ZBTB16: variants seen among roughly 807,000 people sequenced by gnomAD.
ZBTB16 encodes zinc finger and BTB domain containing 16, also known as zinc finger and BTB domain-containing protein 16.
A neutral mutation model predicts 56.8 loss-of-function variants in ZBTB16; 8 were observed. That is an observed-to-expected ratio of 0.14 (90% CI 0.08 to 0.25). The LOEUF (loss-of-function observed/expected upper bound fraction) is 0.25, where lower values mean the gene tolerates loss of function less well. ZBTB16 is among the 10% of genes least tolerant of loss of function. The pLI is 1.00. For missense variants in ZBTB16, 625 were observed against 903.0 expected (o/e 0.69, Z 3.95); for synonymous variants, 363 against 368.5 (o/e 0.98, Z 0.17).
At chr11:114,120,403 CT>C (rs1006009739) in intron 2 of ZBTB16, among the ~76,000 whole-genome samples, 1 of 152,322 alleles carries the variant, frequency 6.6e-6, no homozygotes, top group Non-Finnish European at 1.5e-5. Flanking sequence ...CTGGCTCCCC[CT>C]GGCTTTGTTC....
At chr11:114,206,609 T>C (rs931274601) in intron 4 of ZBTB16, among the ~76,000 whole-genome samples, 1 of 152,248 alleles carries the variant, frequency 6.6e-6, no homozygotes, top group Admixed American at 6.5e-5. Context: ...AACCTCACTT[T>C]GCCTGCTAGC....
At chr11:114,220,678 T>C (rs775400992) in intron 4 of ZBTB16, among the ~76,000 whole-genome samples, 2 of 152,194 alleles carry the variant, frequency 1.3e-5, no homozygotes, top group Non-Finnish European at 2.9e-5. Context: ...AAGAAAGTTG[T>C]AGCAACATTC....
intron 4 of ZBTB16, among the ~76,000 whole-genome samples, chr11:114,238,317 A>G (rs1944635889): frequency 6.6e-6 from 1 of 152,184 alleles, no homozygotes. Flanking sequence ...GTCTTAGTCA[A>G]GTCAGGCTGC....
chr11:114,084,520 G>T (rs551865790), intron 2 of ZBTB16, among the ~76,000 whole-genome samples: 3 of 152,104 alleles, frequency 2.0e-5, no homozygotes, highest in Non-Finnish European at 4.4e-5. Context: ...GGAGGAGGAG[G>T]GTTTTTTGAA....
At chr11:114,087,803 C>A (rs1940015106) in intron 2 of ZBTB16, among the ~76,000 whole-genome samples, 2 of 152,204 alleles carry the variant, frequency 1.3e-5, no homozygotes, top group Non-Finnish European at 2.9e-5. Flanking sequence ...GCTACATTTT[C>A]ACTCTTCATC....
At chr11:114,173,573 A>G (rs1417883861) in intron 3 of ZBTB16, among the ~76,000 whole-genome samples, 2 of 152,210 alleles carry the variant, frequency 1.3e-5, no homozygotes, top group Admixed American at 1.3e-4. Flanking sequence ...TTACGTACTC[A>G]GCCCCAAGAT....
intron 2 of ZBTB16, among the ~76,000 whole-genome samples, chr11:114,136,932 C>T (rs1941812175): frequency 6.6e-6 from 1 of 152,232 alleles, no homozygotes; most frequent in East Asian, 1.9e-4. Context: ...TCCCATTTTC[C>T]TGCCTCACCA....
chr11:114,203,015 G>A (rs1055650188), intron 4 of ZBTB16, among the ~76,000 whole-genome samples: 1 of 152,202 alleles, frequency 6.6e-6, no homozygotes, highest in African/African-American at 2.4e-5. Flanking sequence ...AACATTCATA[G>A]CAGTGTTGTT....
In ZBTB16 at chr11:114,142,944, T is replaced by C. The variant is rs528822069; in HGVS notation, c.1269-13393T>C. On this transcript the variant is annotated intron_variant, in intron 2 of 6. Coordinates refer to ENST00000335953, the MANE Select transcript of ZBTB16 (RefSeq NM_006006.6). Reference sequence around the variant, plus strand: ...AAAAATAGTAAAGGACATTTTTATGTGTGGGCTTAAAACCAGCAATGTCAG... The same window carrying C: ...AAAAATAGTAAAGGACATTTTTATGCGTGGGCTTAAAACCAGCAATGTCAG... Among the ~76,000 whole-genome samples the C allele has an allele frequency of 2.5e-3, 388 of 152,298 alleles. 2 individuals are homozygous for C. Among genetic ancestry groups the C allele is most frequent in the Non-Finnish European group, 4.6e-3 (315 of 68,042 alleles).
In ZBTB16 at chr11:114,256,383, G is replaced by T. The variant is rs560542881; in HGVS notation, c.*5828G>T. Among the ~76,000 whole-genome samples the T allele has an allele frequency of 2.0e-5, 3 of 152,248 alleles. No individual in the cohort carries two copies. The East Asian group carries it at 5.8e-4, about 29-fold the overall frequency. On this transcript the variant is annotated 3_prime_UTR_variant, in exon 7 of 7. Transcript: ENST00000335953. ...GCCGCCCTGGGGCTACCATGCTAGC[G>T]GGCCGCTGAGTCGGAATCCGTGGCT...
intron 4 of ZBTB16, among the ~76,000 whole-genome samples, chr11:114,212,869 C>T (rs1944023792): frequency 6.6e-6 from 1 of 151,958 alleles, no homozygotes; most frequent in Non-Finnish European, 1.5e-5. Flanking sequence ...GCTGTGGGTC[C>T]CTTTTCTAAA....
At chr11:114,183,598 G>C (rs1434238009) in intron 3 of ZBTB16, among the ~76,000 whole-genome samples, 5 of 152,150 alleles carry the variant, frequency 3.3e-5, no homozygotes, top group African/African-American at 1.2e-4. Context: ...TTCCCTCCTC[G>C]GGCCTTTGCT....
chr11:114,187,563 C>G (rs1296516752), intron 4 of ZBTB16: 2 of 185,928 alleles, frequency 1.1e-5, no homozygotes, highest in Admixed American at 1.1e-4. Flanking sequence ...GATTTCACCG[C>G]ACCAAAGTCA....
At chr11:114,062,702 A>G (rs557632467) in intron 1 of ZBTB16, among the ~76,000 whole-genome samples, 1 of 152,342 alleles carries the variant, frequency 6.6e-6, no homozygotes, top group South Asian at 2.1e-4. Flanking sequence ...CTGGCCTCCA[A>G]TGAGTTTGAC....
intron 2 of ZBTB16, among the ~76,000 whole-genome samples, chr11:114,154,432 A>G (rs1332358738): frequency 6.6e-6 from 1 of 152,170 alleles, no homozygotes; most frequent in South Asian, 2.1e-4. Context: ...TTGCCACTCT[A>G]TAGAAGAACA....
At chr11:114,246,460 C>CAATCA (rs751474804) in intron 5 of ZBTB16, among the ~76,000 whole-genome samples, 144 of 146,788 alleles carry the variant, frequency 9.8e-4, no homozygotes, top group Non-Finnish European at 1.8e-3. Context: ...TCATCTGATG[C>CAATCA]GATCACATCA....
At chr11:114,061,588 G>A (rs530309144) in intron 1 of ZBTB16, 1 of 152,452 alleles carries the variant, frequency 6.6e-6, no homozygotes, top group Non-Finnish European at 1.5e-5. Flanking sequence ...CGAAGAGTGA[G>A]GGAGAGACCT....
intron 2 of ZBTB16, among the ~76,000 whole-genome samples, chr11:114,085,179 T>C (rs568532762): frequency 6.6e-5 from 10 of 152,346 alleles, no homozygotes; most frequent in African/African-American, 1.9e-4. Context: ...CTCAGCCCAG[T>C]GCATGGACAA....
chr11:114,093,410 C>A (rs777995286), intron 2 of ZBTB16, among the ~76,000 whole-genome samples: 1 of 152,116 alleles, frequency 6.6e-6, no homozygotes, highest in Non-Finnish European at 1.5e-5. Context: ...TCCCCGATTC[C>A]CCTCTCTTCC....
Sources: allele counts gnomAD v4.1 joint callset (sites outside exome capture counted in the v4.1 genomes callset), GRCh38; gene constraint gnomAD v4.1.1; transcripts MANE v1.5; gene names NCBI Gene and HGNC (gene_info 2026-07-23, HGNC 2026-07-21).